Variants in WWC1 observed in about 807,000 individuals in gnomAD.
WWC1 encodes the protein WW and C2 domain containing 1.
Under a neutral mutation model 138.4 loss-of-function variants are expected in WWC1, and 55 were observed. The ratio of observed to expected loss-of-function variants is 0.40; its 90% CI spans 0.32 to 0.50. The LOEUF (loss-of-function observed/expected upper bound fraction) is 0.50, where lower values mean the gene tolerates loss of function less well. Ranked by LOEUF, WWC1 falls within the 20% of genes least tolerant of loss-of-function variation. The probability of loss-of-function intolerance (pLI) is 0.72; values close to 1 mark genes in which losing one functional copy is unlikely to be tolerated. For missense variants in WWC1, 1,226 were observed against 1,420.4 expected, an observed-to-expected ratio of 0.86 and a Z score of 2.20; for synonymous variants, 524 against 564.9, an observed-to-expected ratio of 0.93 and a Z score of 1.03.
chr5:168,442,697 C>G (rs1754893123), intron 16 of WWC1, among the ~76,000 whole-genome samples: 2 of 151,706 alleles, frequency 1.3e-5, no homozygotes, highest in Admixed American at 1.3e-4. Context: ...ATTAGCCAAG[C>G]ATGATGGCAG....
chr5:168,330,632 A>G (rs1018630547), intron 1 of WWC1, among the ~76,000 whole-genome samples: 1 of 152,120 alleles, frequency 6.6e-6, no homozygotes, highest in Non-Finnish European at 1.5e-5. Flanking sequence ...ACCTCCCCCC[A>G]TCCTACATGC....
intron 1 of WWC1, among the ~76,000 whole-genome samples, chr5:168,332,038 TAGG>T (rs1041376272): frequency 1.3e-5 from 2 of 151,378 alleles, no homozygotes; most frequent in African/African-American, 2.4e-5. Flanking sequence ...CCCAGTTACT[TAGG>T]AGGCTAAGGC....
chr5:168,423,501 A>C lies in WWC1; in HGVS notation c.1275-32A>C, dbSNP rs771818028. On this transcript the variant is annotated intron_variant, in intron 10 of 22. Transcript: ENST00000265293. ...TCAGGGGGCCCACTTCACTGTGTGC[A>C]TCTCACTGTCCTTCCCCTCCCTGTG... 2.5e-6 allele frequency: 4 copies of C among 1,584,344 alleles called. No homozygotes were observed. The South Asian group carries it at 4.7e-5, about 19-fold the overall frequency.
Position 168,414,794 on chromosome 5 carries a change from C to T in WWC1, c.1184+204C>T, listed in dbSNP as rs1296762535. ...GTGCGCCAGCTACCCTGGAATTTTG[C>T]ATGGTGAATCATGCTACCAAAAAGT... On this transcript the variant is annotated intron_variant, in intron 9 of 22. Coordinates refer to ENST00000265293, the MANE Select transcript of WWC1 (RefSeq NM_015238.3). The T allele has an allele frequency of 1.9e-5, 13 of 695,552 alleles. No homozygotes were observed. In the East Asian group the frequency reaches 3.8e-4, roughly 20 times the overall value. 43.1% of individuals were successfully genotyped at this position (695,552 alleles called of 1,614,324 possible).
At chr5:168,395,294 C>T (rs77938801) in intron 3 of WWC1, among the ~76,000 whole-genome samples, 21,240 of 152,214 alleles carry the variant, frequency 0.14, 1,593 homozygotes, top group African/African-American at 0.19. Context: ...GCTCCTAGAA[C>T]AGACGTCCCC....
intron 18 of WWC1, among the ~76,000 whole-genome samples, chr5:168,454,526 G>A (rs929026244): frequency 6.6e-6 from 1 of 152,200 alleles, no homozygotes; most frequent in African/African-American, 2.4e-5. Context: ...AGCGCGACAG[G>A]AAAAAGGCCA....
intron 22 of WWC1, among the ~76,000 whole-genome samples, chr5:168,468,400 G>A (rs1381096191): frequency 2.0e-5 from 3 of 152,028 alleles, no homozygotes; most frequent in South Asian, 4.2e-4. Flanking sequence ...GGAGGGTCCC[G>A]AATGCCATTT....
At chr5:168,386,393 T>A (rs1778049480) in intron 3 of WWC1, among the ~76,000 whole-genome samples, 1 of 149,800 alleles carries the variant, frequency 6.7e-6, no homozygotes, top group East Asian at 1.9e-4. Flanking sequence ...TTTTTTTTCT[T>A]TTTCTTTTTT....
At chr5:168,339,907 T>G (rs1253794805) in intron 1 of WWC1, among the ~76,000 whole-genome samples, 2 of 138,302 alleles carry the variant, frequency 1.4e-5, no homozygotes, top group African/African-American at 5.6e-5. Context: ...CTCTCTCTCT[T>G]TCTCTCTCTC....
intron 2 of WWC1, among the ~76,000 whole-genome samples, chr5:168,380,978 GA>G (rs1223134639): frequency 1.3e-5 from 2 of 152,050 alleles, no homozygotes; most frequent in Admixed American, 1.3e-4. Flanking sequence ...AATTGCCTGG[GA>G]GCGTCCAGGG....
intron 7 of WWC1, 54 bp downstream of exon 7, chr5:168,408,707 G>C: frequency 6.2e-7 from 1 of 1,603,382 alleles, no homozygotes; most frequent in Non-Finnish European, 8.5e-7. Flanking sequence ...CAGCTGGGAG[G>C]CTGCTGTAAT....
intron 9 of WWC1, among the ~76,000 whole-genome samples, chr5:168,419,894 A>G (rs1780955118): frequency 6.6e-6 from 1 of 152,174 alleles, no homozygotes; most frequent in Non-Finnish European, 1.5e-5. Context: ...TCTCTTCCAA[A>G]CACAAGGATT....
chr5:168,439,454 G>T (rs576152769), intron 15 of WWC1, among the ~76,000 whole-genome samples: 54 of 128,010 alleles, frequency 4.2e-4, no homozygotes, highest in African/African-American at 1.7e-3. Context: ...GAGAAACCCC[G>T]TCTCTACTAA....
intron 9 of WWC1, among the ~76,000 whole-genome samples, chr5:168,419,411 A>G (rs889760689): frequency 1.3e-5 from 2 of 152,200 alleles, no homozygotes; most frequent in African/African-American, 2.4e-5. Context: ...GCATGTCTAC[A>G]TGGTGGGCAC....
At chr5:168,394,247 G>A (rs1237235330) in intron 3 of WWC1, among the ~76,000 whole-genome samples, 1 of 152,206 alleles carries the variant, frequency 6.6e-6, no homozygotes, top group East Asian at 1.9e-4. Flanking sequence ...CCAAGAAATT[G>A]AAAATGATTT....
Position 168,399,651 on chromosome 5 carries a change from G to C in WWC1, c.590+84G>C, listed in dbSNP as rs1347942746. On this transcript the variant is annotated intron_variant, in intron 5 of 22. Transcript: ENST00000265293. ...GTCCTCTCTGTCTCTCTCTCCTTCA[G>C]TCCCTTTCCTCCCTTCTCAAAATGT... 6 of 1,316,932 alleles carry C rather than the reference G, an allele frequency of 4.6e-6. No homozygotes were observed. In the East Asian group the frequency reaches 1.4e-4, roughly 31 times the overall value. 81.6% of individuals were successfully genotyped at this position (1,316,932 alleles called of 1,614,324 possible).
intron 2 of WWC1, 90 bp downstream of exon 2, chr5:168,371,623 G>A: frequency 1.2e-6 from 1 of 850,568 alleles, no homozygotes; most frequent in Non-Finnish European, 1.9e-6. Flanking sequence ...AGAACCACTT[G>A]CAGACTCTTG....
At chr5:168,365,337 C>T (rs1293544074) in intron 1 of WWC1, among the ~76,000 whole-genome samples, 2 of 152,126 alleles carry the variant, frequency 1.3e-5, no homozygotes, top group Non-Finnish European at 2.9e-5. Flanking sequence ...TGATCCCGCC[C>T]AGCCAGCCCT....
chr5:168,471,808 G>A lies in WWC1; in HGVS notation c.*2791G>A, dbSNP rs1466396118. The A allele has an allele frequency of 6.6e-6, 1 of 152,302 alleles. No homozygotes were observed. Among genetic ancestry groups the A allele is most frequent in the East Asian group, 1.9e-4 (1 of 5,206 alleles). 9.4% of individuals were successfully genotyped at this position (152,302 alleles called of 1,614,324 possible). ...AGGAAAATGAGGTCAACCTGCAAAG[G>A]AAAGCAGATGCAAGAGATGGAGACA... is the stretch of plus-strand genomic sequence containing the variant. On this transcript the variant is annotated 3_prime_UTR_variant, in exon 23 of 23. Transcript: ENST00000265293.
Sources: allele counts gnomAD v4.1 joint callset (sites outside exome capture counted in the v4.1 genomes callset), GRCh38; gene constraint gnomAD v4.1.1; transcripts MANE v1.5; gene names NCBI Gene and HGNC (gene_info 2026-07-23, HGNC 2026-07-21).